The following SLC17A8 variants were observed in gnomAD, a reference collection of about 807,000 sequenced individuals.
SLC17A8 encodes the protein solute carrier family 17 member 8, also known as vesicular glutamate transporter 3.
SLC17A8 carries 31 observed loss-of-function variants against 58.0 expected under a neutral mutation model. The observed-to-expected ratio is 0.53, with a 90% CI of 0.40 to 0.72. The LOEUF (loss-of-function observed/expected upper bound fraction) is 0.72, where lower values mean the gene tolerates loss of function less well. Among genes scored for constraint, SLC17A8 ranks in the 30% least tolerant of loss-of-function variants. The pLI, the probability that SLC17A8 is intolerant of heterozygous loss-of-function variation, is 0.00. For synonymous variants in SLC17A8, 228 were observed against 249.0 expected (o/e 0.92, Z 0.79); for missense variants, 655 against 727.8 (o/e 0.90, Z 1.15).
In SLC17A8 at chr12:100,419,817, C is replaced by G. The variant is rs756067212; in HGVS notation, c.1428C>G (p.Thr476=). ...LIVGAMTRHK[T]REEWQNVFLI... ...TGGCACTTTATTTCCTTATTTAGAC[C>G]CGTGAAGAATGGCAGAATGTGTTCC... The change falls in exon 12 of 12, where the codon ACC becomes ACG. Residue 476 remains threonine, a splice_region_variant and synonymous_variant. Transcript: ENST00000323346. 44 of 1,612,866 alleles carry G rather than the reference C, an allele frequency of 2.7e-5. No homozygotes were observed. The highest frequency in any genetic ancestry group is 3.6e-5 in the Non-Finnish European group (43 of 1,179,836).
In SLC17A8 at chr12:100,386,774, C is replaced by T. The variant is rs188274658; in HGVS notation, c.355-4227C>T. On this transcript the variant is annotated intron_variant, in intron 2 of 11. Transcript: ENST00000323346. The stretch of plus-strand genomic sequence containing the variant: ...CACAATCTTGGCTCACTGCAACTTC[C>T]GCCTCCCAGGTTCAAGCGATTCTCC... Among the ~76,000 whole-genome samples the T allele has an allele frequency of 1.9e-3, 287 of 150,264 alleles. 1 individual carries two copies. Among genetic ancestry groups the T allele is most frequent in the African/African-American group, 6.4e-3 (262 of 40,816 alleles).
In SLC17A8 at chr12:100,396,315, C is replaced by T. The variant is rs1009516241; in HGVS notation, c.589-15C>T. On this transcript the variant is annotated splice_polypyrimidine_tract_variant and intron_variant, in intron 4 of 11. Transcript: ENST00000323346. ...ACAGTCAAATCAACTAATCTATTTT[C>T]AACTCTTCTGCCAGGGTGTGACCTA... The T allele has an allele frequency of 6.2e-7, 1 of 1,606,114 alleles. No individual in the cohort carries two copies. Among genetic ancestry groups the T allele is most frequent in the Admixed American group, 1.7e-5 (1 of 60,000 alleles).
chr12:100,381,062 G>A (rs1214641627), intron 2 of SLC17A8, 109 bp downstream of exon 2: 5 of 1,333,648 alleles, frequency 3.7e-6, no homozygotes, highest in Non-Finnish European at 5.4e-6. Flanking sequence ...GCCCCAACCT[G>A]CCAGGTTGAA....
At chr12:100,417,720 C>G (rs567483124) in intron 10 of SLC17A8, among the ~76,000 whole-genome samples, 2 of 152,196 alleles carry the variant, frequency 1.3e-5, no homozygotes, top group African/African-American at 2.4e-5. Flanking sequence ...AAATGTGATT[C>G]AGGCTTTAGG....
intron 3 of SLC17A8, among the ~76,000 whole-genome samples, chr12:100,391,600 G>A (rs1039572917): frequency 5.3e-5 from 8 of 152,102 alleles, no homozygotes; most frequent in Non-Finnish European, 8.8e-5. Flanking sequence ...AGACACCAGC[G>A]CCCAGTCAAG....
At chr12:100,363,206 C>G (rs148047202) in intron 1 of SLC17A8, among the ~76,000 whole-genome samples, 1 of 152,114 alleles carries the variant, frequency 6.6e-6, no homozygotes. Flanking sequence ...CCTTGTGAAT[C>G]GGGATTTCTA....
At chr12:100,393,608 G>T in intron 4 of SLC17A8, 125 bp downstream of exon 4, 1 of 719,052 alleles carries the variant, frequency 1.4e-6, no homozygotes. Context: ...TTTTCCTGCT[G>T]TTTCCATTCT....
intron 5 of SLC17A8, among the ~76,000 whole-genome samples, chr12:100,398,900 C>G (rs1045916128): frequency 6.6e-6 from 1 of 152,176 alleles, no homozygotes; most frequent in Admixed American, 6.5e-5. Flanking sequence ...CAAGCTCTCT[C>G]TTTGCTTGCC....
chr12:100,402,550 A>G, intron 7 of SLC17A8, 46 bp from the exon 8 acceptor site: 1 of 1,613,090 alleles, frequency 6.2e-7, no homozygotes, highest in Non-Finnish European at 8.5e-7. Context: ...TACAGAAAAA[A>G]TGTCAATATC....
At chr12:100,394,893 A>G (rs1399540508) in intron 4 of SLC17A8, among the ~76,000 whole-genome samples, 1 of 148,510 alleles carries the variant, frequency 6.7e-6, no homozygotes, top group Non-Finnish European at 1.5e-5. Flanking sequence ...TATAATATAC[A>G]TACACTAGTA....
chr12:100,370,695 C>T (rs982833789), intron 1 of SLC17A8, among the ~76,000 whole-genome samples: 4 of 151,424 alleles, frequency 2.6e-5, no homozygotes, highest in Non-Finnish European at 4.4e-5. Flanking sequence ...CCACATATGG[C>T]CATTGGGCTT....
chr12:100,358,881 C>T (rs2135964928), intron 1 of SLC17A8, among the ~76,000 whole-genome samples: 1 of 152,336 alleles, frequency 6.6e-6, no homozygotes, highest in South Asian at 2.1e-4. Context: ...GTGGCTCACG[C>T]CTGTAATCCC....
At chr12:100,408,479 C>A (rs1449027781) in intron 9 of SLC17A8, among the ~76,000 whole-genome samples, 2 of 152,116 alleles carry the variant, frequency 1.3e-5, no homozygotes, top group Non-Finnish European at 2.9e-5. Flanking sequence ...TTTTTCTTGT[C>A]AACTCTAAAT....
chr12:100,382,996 C>G (rs956380925), intron 2 of SLC17A8, among the ~76,000 whole-genome samples: 2 of 152,126 alleles, frequency 1.3e-5, no homozygotes, highest in Admixed American at 1.3e-4. Flanking sequence ...AAAAGGATAT[C>G]CTGTCTTTTG....
At chr12:100,403,351 C>T (rs1952805128) in intron 8 of SLC17A8, among the ~76,000 whole-genome samples, 1 of 152,006 alleles carries the variant, frequency 6.6e-6, no homozygotes, top group Non-Finnish European at 1.5e-5. Flanking sequence ...CACCTGTGAT[C>T]CTAGTTACTC....
At chr12:100,394,436 C>T (rs1952738549) in intron 4 of SLC17A8, among the ~76,000 whole-genome samples, 1 of 129,540 alleles carries the variant, frequency 7.7e-6, no homozygotes, top group Non-Finnish European at 1.6e-5. Context: ...GAGTCTCGCT[C>T]TGTAGCCCAG....
chr12:100,412,924 C>A, intron 10 of SLC17A8, 44 bp downstream of exon 10: 1 of 1,445,336 alleles, frequency 6.9e-7, no homozygotes, highest in Non-Finnish European at 9.7e-7. Flanking sequence ...ATAGATTCAA[C>A]AAGTCCCAGG....
chr12:100,385,331 G>A lies in SLC17A8; in HGVS notation c.354+4378G>A, dbSNP rs7315998. Among the ~76,000 whole-genome samples, 564 of 141,902 alleles carry A rather than the reference G, an allele frequency of 4.0e-3. 4 individuals carry two copies. Among genetic ancestry groups the A allele is most frequent in the African/African-American group, 0.014 (541 of 37,710 alleles). 93.1% of individuals were successfully genotyped at this position (141,902 alleles called of 152,430 possible). A position where few individuals can be genotyped will look rare whatever the true frequency, so the allele number is the denominator to read the frequency against. ...AGCTCACTGCGACCTCCACCTCCCC[G>A]GTTCAAGCGATTCTACTCCTTAGGC... On this transcript the variant is annotated intron_variant, in intron 2 of 11. Coordinates refer to ENST00000323346, the MANE Select transcript of SLC17A8 (RefSeq NM_139319.3).
chr12:100,389,088 C>A (rs553025918), intron 2 of SLC17A8, among the ~76,000 whole-genome samples: 119 of 152,250 alleles, frequency 7.8e-4, no homozygotes, highest in Admixed American at 2.5e-3. Flanking sequence ...GAGGAAGGAC[C>A]ATTTACAATG....
Sources: gnomAD v4.1 joint callset for allele counts (sites outside exome capture counted in the v4.1 genomes callset) on GRCh38, gnomAD v4.1.1 for gene constraint, MANE v1.5 for transcripts, NCBI Gene and HGNC (gene_info 2026-07-23, HGNC 2026-07-21) for gene names.